MSRA: variants seen among roughly 807,000 people sequenced by gnomAD.
MSRA encodes the protein mitochondrial peptide methionine sulfoxide reductase.
MSRA carries 54 observed loss-of-function variants against 31.3 expected under a neutral mutation model. That is an observed-to-expected ratio of 1.73 (90% confidence interval 1.39 to 2.17). The LOEUF (loss-of-function observed/expected upper bound fraction) is 2.17, where lower values mean the gene tolerates loss of function less well. Among genes scored for constraint, MSRA ranks in the 30% most tolerant of loss-of-function variants. MSRA has a pLI of 0.00. For missense variants in MSRA, 507 were observed against 300.9 expected (o/e 1.69, Z -5.07); for synonymous variants, 169 against 116.5 (o/e 1.45, Z -2.90).
At chr8:10,170,834 C>A (rs1474111117) in intron 1 of MSRA, among the ~76,000 whole-genome samples, 2 of 152,196 alleles carry the variant, frequency 1.3e-5, no homozygotes, top group Admixed American at 6.5e-5. Flanking sequence ...GTCCAATCAG[C>A]CCAAGTTGGC....
At chr8:10,395,334 A>G (rs1169862096) in intron 5 of MSRA, among the ~76,000 whole-genome samples, 3 of 152,190 alleles carry the variant, frequency 2.0e-5, no homozygotes, top group Admixed American at 1.3e-4. Flanking sequence ...GATGACCTAA[A>G]TACGTATGAG....
intron 1 of MSRA, among the ~76,000 whole-genome samples, chr8:10,092,513 C>G (rs541248509): frequency 1.3e-5 from 2 of 152,238 alleles, no homozygotes; most frequent in South Asian, 2.1e-4. Context: ...TAAAAGTTAG[C>G]TGGGCATGGT....
chr8:10,369,106 G>T (rs10091787), intron 5 of MSRA, among the ~76,000 whole-genome samples: 4,639 of 152,204 alleles, frequency 0.03, 222 homozygotes, highest in African/African-American at 0.1. Flanking sequence ...TCAGTTTTTG[G>T]AGAAAAACAG....
chr8:10,056,837 A>T (rs115813886), intron 1 of MSRA, among the ~76,000 whole-genome samples: 1 of 152,058 alleles, frequency 6.6e-6, no homozygotes, highest in Non-Finnish European at 1.5e-5. Context: ...ACCTCCATCC[A>T]TGTCTGTTCT....
intron 1 of MSRA, among the ~76,000 whole-genome samples, chr8:10,111,118 T>A (rs1431603583): frequency 3.9e-5 from 6 of 152,180 alleles, no homozygotes; most frequent in African/African-American, 1.2e-4. Context: ...GACAAAAGGG[T>A]TTCCGTGTTA....
At chr8:10,061,239 C>T (rs1275242506) in intron 1 of MSRA, among the ~76,000 whole-genome samples, 4 of 152,120 alleles carry the variant, frequency 2.6e-5, no homozygotes, top group Non-Finnish European at 5.9e-5. Context: ...CTCACACGAC[C>T]ATACCCATAG....
intron 5 of MSRA, among the ~76,000 whole-genome samples, chr8:10,414,033 G>T (rs950418293): frequency 1.3e-5 from 2 of 152,190 alleles, no homozygotes; most frequent in African/African-American, 4.8e-5. Flanking sequence ...CAGGTGTGGT[G>T]GTGTGCTCCT....
At chr8:10,309,394 T>C (rs959257488) in intron 4 of MSRA, among the ~76,000 whole-genome samples, 1 of 152,244 alleles carries the variant, frequency 6.6e-6, no homozygotes, top group Non-Finnish European at 1.5e-5. Flanking sequence ...ATGCCGCCTG[T>C]GGAAGGGCCG....
intron 1 of MSRA, among the ~76,000 whole-genome samples, chr8:10,081,857 A>G (rs1187547694): frequency 2.0e-5 from 3 of 152,100 alleles, no homozygotes; most frequent in African/African-American, 4.8e-5. Flanking sequence ...ATCTGCAGTC[A>G]AATGTTCTAC....
chr8:10,103,738 A>C (rs1799685522), intron 1 of MSRA, among the ~76,000 whole-genome samples: 1 of 152,018 alleles, frequency 6.6e-6, no homozygotes, highest in Non-Finnish European at 1.5e-5. Flanking sequence ...AAATTGTTTA[A>C]ATATCGAAGA....
rs967188810 is a variant in MSRA, at chr8:10,256,798, C to T, written c.331+11575C>T. On this transcript the variant is annotated intron_variant, in intron 3 of 5. Transcript: ENST00000317173. The stretch of plus-strand genomic sequence containing the variant: ...CCCGAGGCGAAGCTATAGTCTCTGA[C>T]CCCCTGAGTTTCAGCCCAGTGGGAG... Among the ~76,000 whole-genome samples, 4 of 152,100 alleles carry T rather than the reference C, an allele frequency of 2.6e-5. No homozygotes were observed. In the East Asian group the frequency reaches 7.7e-4, roughly 29 times the overall value.
At chr8:10,106,722 A>C (rs1194419919) in intron 1 of MSRA, among the ~76,000 whole-genome samples, 2 of 152,186 alleles carry the variant, frequency 1.3e-5, no homozygotes, top group East Asian at 3.8e-4. Context: ...TCATGGGACC[A>C]CCAGGAGAAT....
chr8:10,378,271 C>T (rs2129173105), intron 5 of MSRA, among the ~76,000 whole-genome samples: 1 of 152,232 alleles, frequency 6.6e-6, no homozygotes, highest in Admixed American at 6.5e-5. Context: ...TGCTAGCAGC[C>T]TGCGTTCCTT....
At chr8:10,358,515 C>T (rs945840716) in intron 5 of MSRA, among the ~76,000 whole-genome samples, 2 of 141,180 alleles carry the variant, frequency 1.4e-5, no homozygotes, top group Non-Finnish European at 3.0e-5. Flanking sequence ...GGTGAGCTGG[C>T]ATTACCACCT....
At chr8:10,105,067 G>C (rs927948241) in intron 1 of MSRA, among the ~76,000 whole-genome samples, 1 of 152,142 alleles carries the variant, frequency 6.6e-6, no homozygotes, top group Non-Finnish European at 1.5e-5. Context: ...TGGTAATTTA[G>C]ATTTCCTTTT....
At chr8:10,334,208 G>C (rs1385590080) in intron 5 of MSRA, among the ~76,000 whole-genome samples, 1 of 147,398 alleles carries the variant, frequency 6.8e-6, no homozygotes, top group Non-Finnish European at 1.5e-5. Context: ...GTGTGTGTGT[G>C]TGTGTGTCTG....
chr8:10,408,182 C>T (rs187603621), intron 5 of MSRA, among the ~76,000 whole-genome samples: 2 of 152,130 alleles, frequency 1.3e-5, no homozygotes, highest in African/African-American at 4.8e-5. Context: ...GTGCAAAAAT[C>T]GGGCTTCTCA....
chr8:10,338,005 A>T (rs1047968347), intron 5 of MSRA, among the ~76,000 whole-genome samples: 1 of 152,194 alleles, frequency 6.6e-6, no homozygotes. Flanking sequence ...AGAAGATATG[A>T]GAAATGAACC....
intron 5 of MSRA, among the ~76,000 whole-genome samples, chr8:10,367,859 C>T (rs955024348): frequency 1.4e-4 from 21 of 152,144 alleles, no homozygotes; most frequent in African/African-American, 4.8e-4. Context: ...TTCTAGTTTG[C>T]CTGAGAAGCC....
Sources: allele counts gnomAD v4.1 joint callset (sites outside exome capture counted in the v4.1 genomes callset), GRCh38; gene constraint gnomAD v4.1.1; transcripts MANE v1.5; gene names NCBI Gene and HGNC (gene_info 2026-07-23, HGNC 2026-07-21).